RERE: variants seen among roughly 807,000 people sequenced by gnomAD.
RERE encodes arginine-glutamic acid dipeptide repeats, also known as arginine-glutamic acid dipeptide repeats protein.
RERE carries 40 observed loss-of-function variants against 146.1 expected under a neutral mutation model. The observed-to-expected ratio is 0.27, with a 90% CI of 0.21 to 0.36. RERE has a LOEUF of 0.36. RERE is among the 10% of genes least tolerant of loss of function. RERE has a pLI of 1.00. For synonymous variants in RERE, 1,003 were observed against 866.0 expected, an observed-to-expected ratio of 1.16 and a Z score of -2.78; for missense variants, 1,933 against 2,138.7, an observed-to-expected ratio of 0.90 and a Z score of 1.90.
At chr1:8,732,815 T>C (rs1416840819) in intron 1 of RERE, among the ~76,000 whole-genome samples, 20 of 117,944 alleles carry the variant, frequency 1.7e-4, no homozygotes, top group African/African-American at 8.2e-4. Context: ...TTTCTTTTTT[T>C]TTTTTTTTTT....
At chr1:8,361,546 C>T in intron 17 of RERE, 56 bp from the exon 18 acceptor site, 1 of 1,585,520 alleles carries the variant, frequency 6.3e-7, no homozygotes, top group South Asian at 1.1e-5. Context: ...CCTGTCTGCT[C>T]TGCACCACCA....
At chr1:8,611,523 C>A (rs1271362277) in intron 4 of RERE, among the ~76,000 whole-genome samples, 56 of 151,996 alleles carry the variant, frequency 3.7e-4, no homozygotes, top group South Asian at 6.2e-4. Context: ...ACAACAACAA[C>A]AAAAAAACAC....
intron 1 of RERE, chr1:8,786,291 T>A: frequency 2.1e-6 from 2 of 939,528 alleles, no homozygotes. Flanking sequence ...TCATTCTATC[T>A]TGTGGAGAAA....
At chr1:8,553,609 A>G (rs1229206531) in intron 6 of RERE, among the ~76,000 whole-genome samples, 3 of 152,260 alleles carry the variant, frequency 2.0e-5, no homozygotes, top group East Asian at 1.9e-4. Flanking sequence ...ATTCAAGGTA[A>G]AAGTTTTATA....
intron 4 of RERE, among the ~76,000 whole-genome samples, chr1:8,573,426 T>C (rs930979309): frequency 6.6e-6 from 1 of 152,156 alleles, no homozygotes; most frequent in Non-Finnish European, 1.5e-5. Context: ...TCTTCTATAA[T>C]ATGCTTTGTT....
intron 4 of RERE, among the ~76,000 whole-genome samples, chr1:8,606,800 A>G (rs1359963966): frequency 3.9e-5 from 6 of 152,208 alleles, no homozygotes; most frequent in Non-Finnish European, 1.5e-5. Context: ...TTTCATTTAG[A>G]GAATACATTT....
chr1:8,417,887 C>A (rs749462853), intron 12 of RERE, among the ~76,000 whole-genome samples: 2 of 152,210 alleles, frequency 1.3e-5, no homozygotes, highest in Non-Finnish European at 2.9e-5. Context: ...TGCCTTTGTT[C>A]ATAGTATTTC....
rs376012235 is a variant in RERE, at chr1:8,655,925, A to G, written c.325+48T>C. 8.2e-6 allele frequency: 13 copies of G among 1,583,358 alleles called. No individual in the cohort carries two copies. In the African/African-American group the frequency reaches 1.5e-4, roughly 18 times the overall value. Reference sequence around the variant, plus strand: ...TTTATTTCACCATAATGCCAAGATCATTCCCCCACTGTAAACATTGGCAAG... The same window carrying G: ...TTTATTTCACCATAATGCCAAGATCGTTCCCCCACTGTAAACATTGGCAAG... On this transcript the variant is annotated intron_variant, in intron 2 of 22. Transcript: ENST00000400908.
chr1:8,492,160 A>G (rs74050203), intron 10 of RERE, among the ~76,000 whole-genome samples: 7,430 of 152,254 alleles, frequency 0.049, 592 homozygotes, highest in African/African-American at 0.17. Flanking sequence ...GGCTAGTCTG[A>G]AGAGTTTCAG....
chr1:8,613,226 C>A (rs1646812871), intron 4 of RERE, among the ~76,000 whole-genome samples: 1 of 152,186 alleles, frequency 6.6e-6, no homozygotes, highest in Admixed American at 6.5e-5. Context: ...AAAGCTTACA[C>A]AGGCTCTCTA....
At chr1:8,414,783 G>T (rs1348397988) in intron 12 of RERE, among the ~76,000 whole-genome samples, 1 of 152,052 alleles carries the variant, frequency 6.6e-6, no homozygotes, top group Non-Finnish European at 1.5e-5. Context: ...CCCAAAGGAA[G>T]GTTGCTCCTG....
chr1:8,502,706 A>G lies in RERE; in HGVS notation c.880-5177T>C, dbSNP rs1009028303. 3.0e-3 allele frequency among the ~76,000 whole-genome samples: 452 copies of G among 150,802 alleles called. 1 individual carries two copies. Among genetic ancestry groups the G allele is most frequent in the Middle Eastern group, 6.8e-3 (2 of 292 alleles). On this transcript the variant is annotated intron_variant, in intron 8 of 22. Transcript: ENST00000400908. Reference sequence around the variant, plus strand: ...TGGTTGCCGGGTCTGTGTGGATAGAAGTAGATATGGGAGACTTTTCATTTT... The same window carrying G: ...TGGTTGCCGGGTCTGTGTGGATAGAGGTAGATATGGGAGACTTTTCATTTT...
At chr1:8,581,711 A>C (rs1646367892) in intron 4 of RERE, among the ~76,000 whole-genome samples, 2 of 152,214 alleles carry the variant, frequency 1.3e-5, no homozygotes, top group African/African-American at 4.8e-5. Flanking sequence ...CACTGAAAAT[A>C]ATTTGATCAT....
intron 7 of RERE, among the ~76,000 whole-genome samples, chr1:8,540,067 G>T (rs1056828894): frequency 2.6e-5 from 4 of 151,866 alleles, no homozygotes; most frequent in Non-Finnish European, 4.4e-5. Context: ...TTTGAGCCAA[G>T]TATTATTTAT....
chr1:8,382,369 T>G (rs1035150529), intron 12 of RERE, among the ~76,000 whole-genome samples: 1 of 152,258 alleles, frequency 6.6e-6, no homozygotes, highest in African/African-American at 2.4e-5. Flanking sequence ...CAGGACCAGG[T>G]GGCACTCTCA....
At chr1:8,518,458 G>C (rs754575760) in intron 7 of RERE, among the ~76,000 whole-genome samples, 4 of 152,104 alleles carry the variant, frequency 2.6e-5, no homozygotes, top group Admixed American at 6.5e-5. Flanking sequence ...TTTTCCACAG[G>C]GTATTAAGTT....
intron 13 of RERE, 30 bp downstream of exon 13, chr1:8,365,782 G>A (rs373825280): frequency 3.7e-5 from 60 of 1,610,838 alleles, no homozygotes; most frequent in Middle Eastern, 1.7e-4. Flanking sequence ...TCTCCCCTCC[G>A]CCCACTGTGA....
At chr1:8,716,299 CAA>C (rs34590852) in intron 1 of RERE, among the ~76,000 whole-genome samples, 1,375 of 109,568 alleles carry the variant, frequency 0.013, 17 homozygotes, top group African/African-American at 0.04. Context: ...CTCATCTCTA[CAA>C]AAAAAAAAAA....
At chr1:8,779,397 T>G (rs1368256831) in intron 1 of RERE, among the ~76,000 whole-genome samples, 1 of 151,610 alleles carries the variant, frequency 6.6e-6, no homozygotes, top group Non-Finnish European at 1.5e-5. Flanking sequence ...GCACGGTGGC[T>G]CACACCTGTA....
Sources: allele counts gnomAD v4.1 joint callset (sites outside exome capture counted in the v4.1 genomes callset), GRCh38; gene constraint gnomAD v4.1.1; transcripts MANE v1.5; gene names NCBI Gene and HGNC (gene_info 2026-07-23, HGNC 2026-07-21).